The following CTNNA2 variants were observed in gnomAD, a reference collection of about 807,000 sequenced individuals.
CTNNA2 encodes the protein catenin alpha-2.
CTNNA2 carries 42 observed loss-of-function variants against 101.0 expected under a neutral mutation model. The observed-to-expected ratio is 0.42, with a 90% CI of 0.32 to 0.54. The LOEUF (loss-of-function observed/expected upper bound fraction) is 0.54, where lower values mean the gene tolerates loss of function less well. CTNNA2 is among the 20% of genes least tolerant of loss of function. The pLI is 0.14. For synonymous variants in CTNNA2, 450 were observed against 456.4 expected (o/e 0.99, Z 0.18); for missense variants, 871 against 1,223.1 (o/e 0.71, Z 4.29).
chr2:80,523,167 A>T (rs1689720553), intron 9 of CTNNA2, among the ~76,000 whole-genome samples: 1 of 152,318 alleles, frequency 6.6e-6, no homozygotes, highest in East Asian at 1.9e-4. Context: ...AGAGGAAAAC[A>T]TTTATTTAAT....
intron 3 of CTNNA2, among the ~76,000 whole-genome samples, chr2:79,365,861 T>C (rs1677738748): frequency 1.3e-5 from 2 of 152,184 alleles, no homozygotes; most frequent in Non-Finnish European, 2.9e-5. Context: ...GAAATGTTTC[T>C]GTAACGGTCA....
intron 7 of CTNNA2, among the ~76,000 whole-genome samples, chr2:80,180,881 C>T (rs199845862): frequency 9.2e-5 from 14 of 152,182 alleles, no homozygotes; most frequent in Admixed American, 4.6e-4. Flanking sequence ...AGCAAATAAA[C>T]GATTAGACCA....
At chr2:79,681,644 C>A (rs1464101110) in intron 2 of CTNNA2, among the ~76,000 whole-genome samples, 2 of 152,156 alleles carry the variant, frequency 1.3e-5, no homozygotes, top group Non-Finnish European at 2.9e-5. Flanking sequence ...AAATCCTTTG[C>A]CCAAATTTCT....
chr2:80,294,438 ACCTGACCCCATGGAGC>A (rs142039073), intron 7 of CTNNA2, among the ~76,000 whole-genome samples: 45,840 of 150,286 alleles, frequency 0.31, 8,088 homozygotes, highest in Non-Finnish European at 0.39. Context: ...AGCCCACGTA[ACCTGACCCCATGGAGC>A]CCTGACCCCA....
At chr2:79,485,574 G>C (rs1056097801) in intron 4 of CTNNA2, among the ~76,000 whole-genome samples, 1 of 152,120 alleles carries the variant, frequency 6.6e-6, no homozygotes, top group African/African-American at 2.4e-5. Flanking sequence ...ACCTTGTTTG[G>C]ATGTGGAAAG....
At chr2:80,208,459 A>T (rs1182975068) in intron 7 of CTNNA2, among the ~76,000 whole-genome samples, 1 of 152,180 alleles carries the variant, frequency 6.6e-6, no homozygotes, top group Non-Finnish European at 1.5e-5. Context: ...AGAAATTCTC[A>T]ACAAAATGTA....
At chr2:79,249,077 T>A (rs1674736324) in intron 2 of CTNNA2, among the ~76,000 whole-genome samples, 1 of 152,220 alleles carries the variant, frequency 6.6e-6, no homozygotes, top group East Asian at 1.9e-4. Flanking sequence ...TCTAATTAGC[T>A]GTGAATCCTT....
chr2:79,687,668 A>G, intron 2 of CTNNA2: 1 of 599,582 alleles, frequency 1.7e-6, no homozygotes, highest in South Asian at 2.0e-5. Context: ...AACTCTTTTC[A>G]TGAAAATAAC....
At chr2:79,985,047 G>A (rs7601330) in intron 7 of CTNNA2, among the ~76,000 whole-genome samples, 5,884 of 152,202 alleles carry the variant, frequency 0.039, 346 homozygotes, top group African/African-American at 0.13. Flanking sequence ...GTCCAAAAAT[G>A]TTTACCTTCT....
At chr2:79,575,325 A>G (rs1193024721) in intron 1 of CTNNA2, 1 of 152,164 alleles carries the variant, frequency 6.6e-6, no homozygotes. Context: ...AAATAAAACA[A>G]CCTTGAGGTT....
intron 7 of CTNNA2, among the ~76,000 whole-genome samples, chr2:80,139,698 CA>C (rs1289055995): frequency 6.6e-6 from 1 of 152,012 alleles, no homozygotes; most frequent in East Asian, 1.9e-4. Context: ...ATAAAAACTA[CA>C]AAAGGAGCTG....
chr2:79,803,903 A>T (rs950849230), intron 3 of CTNNA2, among the ~76,000 whole-genome samples: 2 of 152,222 alleles, frequency 1.3e-5, no homozygotes, highest in Non-Finnish European at 2.9e-5. Context: ...GGAATATTTT[A>T]TAGGGTAGGA....
At chr2:79,707,507 G>A (rs1685459669) in intron 2 of CTNNA2, among the ~76,000 whole-genome samples, 1 of 152,198 alleles carries the variant, frequency 6.6e-6, no homozygotes, top group Non-Finnish European at 1.5e-5. Context: ...GTCCTAGTCT[G>A]TGTATTTCCT....
intron 7 of CTNNA2, among the ~76,000 whole-genome samples, chr2:80,104,122 C>G (rs924350166): frequency 2.6e-5 from 4 of 152,190 alleles, no homozygotes; most frequent in African/African-American, 9.7e-5. Context: ...TTGCCAATCT[C>G]TCAGGCATGT....
At chr2:79,660,019 G>A (rs1466001034) in intron 2 of CTNNA2, among the ~76,000 whole-genome samples, 5 of 152,058 alleles carry the variant, frequency 3.3e-5, no homozygotes, top group Non-Finnish European at 5.9e-5. Context: ...AAAACTTGGG[G>A]GTGAATGAAG....
chr2:80,182,328 T>C (rs1204499007), intron 7 of CTNNA2, among the ~76,000 whole-genome samples: 1 of 152,180 alleles, frequency 6.6e-6, no homozygotes. Flanking sequence ...GAAGACTCAG[T>C]CAGTCTAGTC....
chr2:79,991,395 A>G (rs10427298), intron 7 of CTNNA2, among the ~76,000 whole-genome samples: 3,116 of 152,222 alleles, frequency 0.02, 98 homozygotes, highest in African/African-American at 0.07. Flanking sequence ...ACTACTTCAC[A>G]TAATTTTTTG....
intron 6 of CTNNA2, among the ~76,000 whole-genome samples, chr2:79,899,235 T>A (rs1684915393): frequency 6.6e-6 from 1 of 152,186 alleles, no homozygotes; most frequent in Admixed American, 6.5e-5. Flanking sequence ...AAAATCTGAT[T>A]TGATTAAGTG....
chr2:79,379,935 TA>T (rs1189560343), intron 4 of CTNNA2, among the ~76,000 whole-genome samples: 1 of 152,194 alleles, frequency 6.6e-6, no homozygotes, highest in Non-Finnish European at 1.5e-5. Context: ...CAATGTTATG[TA>T]AAATAGTCTT....
Sources: allele counts gnomAD v4.1 joint callset (sites outside exome capture counted in the v4.1 genomes callset), GRCh38; gene constraint gnomAD v4.1.1; transcripts MANE v1.5; gene names NCBI Gene and HGNC (gene_info 2026-07-23, HGNC 2026-07-21).